PID1: variants seen among roughly 807,000 people sequenced by gnomAD.
The protein encoded by PID1 is phosphotyrosine interaction domain containing 1.
A neutral mutation model predicts 19.1 loss-of-function variants in PID1; 10 were observed. The ratio of observed to expected loss-of-function variants is 0.52; its 90% confidence interval spans 0.32 to 0.89. The LOEUF (loss-of-function observed/expected upper bound fraction) is 0.89, where lower values mean the gene tolerates loss of function less well. PID1 is among the 40% of genes least tolerant of loss of function. The pLI is 0.03. For missense variants in PID1, 248 were observed against 285.3 expected (o/e 0.87, Z 0.94); for synonymous variants, 130 against 116.0 (o/e 1.12, Z -0.78).
At chr2:229,144,356 C>T (rs959058188) in intron 2 of PID1, among the ~76,000 whole-genome samples, 1 of 151,980 alleles carries the variant, frequency 6.6e-6, no homozygotes, top group Non-Finnish European at 1.5e-5. Flanking sequence ...GGGTGAGATC[C>T]CCAGGAGGAG....
intron 2 of PID1, among the ~76,000 whole-genome samples, chr2:229,149,617 A>C (rs1690206223): frequency 1.3e-5 from 2 of 152,224 alleles, no homozygotes; most frequent in Admixed American, 1.3e-4. Flanking sequence ...ATCTCAAAAA[A>C]GGCAATATAA....
intron 2 of PID1, among the ~76,000 whole-genome samples, chr2:229,118,472 GCT>G (rs1363351159): frequency 6.6e-6 from 1 of 151,942 alleles, no homozygotes; most frequent in African/African-American, 2.4e-5. Flanking sequence ...CCACTAACCA[GCT>G]CTGAGACTAC....
intron 1 of PID1, among the ~76,000 whole-genome samples, chr2:229,197,923 C>T (rs1441970537): frequency 2.0e-5 from 3 of 151,990 alleles, no homozygotes; most frequent in Admixed American, 2.0e-4. Flanking sequence ...CTCTGAAAAA[C>T]TCAACCAATT....
At chr2:229,075,653 AAC>A (rs1263391151) in intron 2 of PID1, among the ~76,000 whole-genome samples, 1 of 152,226 alleles carries the variant, frequency 6.6e-6, no homozygotes, top group Admixed American at 6.5e-5. Context: ...CAAGGTCACA[AAC>A]ACAACAATCA....
chr2:229,217,113 T>C (rs1429931372), intron 1 of PID1, among the ~76,000 whole-genome samples: 1 of 152,186 alleles, frequency 6.6e-6, no homozygotes, highest in African/African-American at 2.4e-5. Flanking sequence ...ATTAGCCTCC[T>C]TGCTGGAGCA....
rs1416197170 is a variant in PID1 at position 229,184,181 on chromosome 2, TG to T, written c.31-28218del. ...ATATCCCATATGTATATATCCCATA[TG>T]TATATATCCCATATGTATATCCCAT... On this transcript the variant is annotated intron_variant, in intron 1 of 2. Transcript: ENST00000392055. Among the ~76,000 whole-genome samples the T allele has an allele frequency of 8.2e-5, 2 of 24,382 alleles. 1 individual carries two copies. The highest frequency in any genetic ancestry group is 1.4e-4 in the Non-Finnish European group (2 of 14,514). 16.0% of individuals were successfully genotyped at this position (24,382 alleles called of 152,430 possible). A position where few individuals can be genotyped will look rare whatever the true frequency, so the allele number is the denominator to read the frequency against.
At chr2:229,179,448 G>T (rs1690892332) in intron 1 of PID1, among the ~76,000 whole-genome samples, 1 of 152,106 alleles carries the variant, frequency 6.6e-6, no homozygotes, top group Admixed American at 6.5e-5. Flanking sequence ...TCTTAAAATG[G>T]AGTGATGAAC....
chr2:229,268,810 T>C (rs897174124), intron 1 of PID1, among the ~76,000 whole-genome samples: 3 of 151,630 alleles, frequency 2.0e-5, no homozygotes, highest in Non-Finnish European at 2.9e-5. Context: ...TGTTTCTATA[T>C]CACGGTGAAA....
chr2:229,127,600 G>A (rs899839432), intron 2 of PID1, among the ~76,000 whole-genome samples: 1 of 152,028 alleles, frequency 6.6e-6, no homozygotes, highest in African/African-American at 2.4e-5. Flanking sequence ...CGACATTTTG[G>A]GCTAAATCAT....
chr2:229,100,903 G>A (rs957093666), intron 2 of PID1, among the ~76,000 whole-genome samples: 6 of 152,170 alleles, frequency 3.9e-5, no homozygotes, highest in African/African-American at 1.2e-4. Context: ...AAGGTCTGGC[G>A]ACTAGTCAGC....
rs113624672 is a variant in PID1 at position 229,166,150 on chromosome 2, A to G, written c.31-10186T>C. Among the ~76,000 whole-genome samples the G allele has an allele frequency of 6.0e-3, 920 of 152,328 alleles. 12 individuals carry two copies. The highest frequency in any genetic ancestry group is 0.021 in the African/African-American group (876 of 41,566). The stretch of plus-strand genomic sequence containing the variant: ...TCCTCAACAAAGTGAAAAGGAATAA[A>G]CTACAGATGCACACTACAACATAAA... On this transcript the variant is annotated intron_variant, in intron 1 of 2. Transcript: ENST00000392055.
intron 1 of PID1, among the ~76,000 whole-genome samples, chr2:229,199,551 A>G (rs937773957): frequency 4.6e-5 from 7 of 151,904 alleles, no homozygotes; most frequent in Non-Finnish European, 1.0e-4. Flanking sequence ...TTTTCAAATA[A>G]TAAGAACACA....
chr2:229,039,055 G>A (rs952719352), intron 2 of PID1, among the ~76,000 whole-genome samples: 1 of 152,172 alleles, frequency 6.6e-6, no homozygotes, highest in African/African-American at 2.4e-5. Flanking sequence ...TAACGCCACT[G>A]TATACAGTAT....
At chr2:229,228,161 A>G (rs1282630729) in intron 1 of PID1, 3 of 420,178 alleles carry the variant, frequency 7.1e-6, no homozygotes, top group Admixed American at 2.6e-5. Flanking sequence ...ATCTTTGTGG[A>G]GCAAATAAAA....
chr2:229,032,724 G>C (rs976731858), intron 2 of PID1, among the ~76,000 whole-genome samples: 1 of 152,184 alleles, frequency 6.6e-6, no homozygotes, highest in Non-Finnish European at 1.5e-5. Flanking sequence ...TATTACCAAT[G>C]AATCATTCTG....
At chr2:229,183,268 C>T (rs1690985848) in intron 1 of PID1, among the ~76,000 whole-genome samples, 2 of 152,202 alleles carry the variant, frequency 1.3e-5, no homozygotes, top group East Asian at 3.9e-4. Flanking sequence ...AGGTATGGAA[C>T]AGATTCTTCG....
At chr2:229,054,711 TG>T (rs1694060046) in intron 2 of PID1, among the ~76,000 whole-genome samples, 1 of 19,174 alleles carries the variant, frequency 5.2e-5, no homozygotes, top group Non-Finnish European at 1.1e-4. Flanking sequence ...GCAGTGTGTG[TG>T]TGTGTGTGGG....
At chr2:229,221,067 G>A (rs997846490) in intron 1 of PID1, among the ~76,000 whole-genome samples, 5 of 152,242 alleles carry the variant, frequency 3.3e-5, no homozygotes, top group Non-Finnish European at 2.9e-5. Flanking sequence ...ACTGCATCAC[G>A]TACATACATC....
intron 1 of PID1, among the ~76,000 whole-genome samples, chr2:229,233,547 A>T (rs1473896599): frequency 6.7e-6 from 1 of 149,516 alleles, no homozygotes; most frequent in Non-Finnish European, 1.5e-5. Context: ...GCTGGAGTGC[A>T]GTGGAGCGAT....
Sources: allele counts gnomAD v4.1 joint callset (sites outside exome capture counted in the v4.1 genomes callset), GRCh38; gene constraint gnomAD v4.1.1; transcripts MANE v1.5; gene names NCBI Gene and HGNC (gene_info 2026-07-23, HGNC 2026-07-21).